The following SLC9A9 variants were observed in gnomAD, a reference collection of about 807,000 sequenced individuals.
SLC9A9 encodes sodium/hydrogen exchanger 9.
In SLC9A9, 62 loss-of-function variants were observed where a neutral mutation model predicts 77.8. The observed-to-expected ratio is 0.80, with a 90% confidence interval of 0.65 to 0.98. SLC9A9 has a LOEUF of 0.98. SLC9A9 is among the 50% of genes least tolerant of loss of function. The pLI, the probability that SLC9A9 is intolerant of heterozygous loss-of-function variation, is 0.00. For synonymous variants in SLC9A9, 320 were observed against 283.5 expected (o/e 1.13, Z -1.29); for missense variants, 775 against 774.9 (o/e 1.00, Z 0.00).
At chr3:143,291,753 G>A (rs1319499090) in intron 14 of SLC9A9, among the ~76,000 whole-genome samples, 2 of 152,170 alleles carry the variant, frequency 1.3e-5, no homozygotes, top group Non-Finnish European at 2.9e-5. Flanking sequence ...TCTGTCTGAG[G>A]TGCCATTCCT....
At chr3:143,356,388 G>T (rs1231410203) in intron 14 of SLC9A9, among the ~76,000 whole-genome samples, 1 of 152,170 alleles carries the variant, frequency 6.6e-6, no homozygotes, top group Non-Finnish European at 1.5e-5. Flanking sequence ...TGTGGAAGAA[G>T]AAATTATGGA....
intron 13 of SLC9A9, among the ~76,000 whole-genome samples, chr3:143,375,795 A>G (rs1321969874): frequency 2.0e-5 from 3 of 152,190 alleles, no homozygotes; most frequent in Non-Finnish European, 2.9e-5. Context: ...GTTATGCAGC[A>G]TTGTGTGGCA....
chr3:143,404,002 T>G (rs994260146), intron 12 of SLC9A9, among the ~76,000 whole-genome samples: 13 of 152,104 alleles, frequency 8.5e-5, no homozygotes, highest in African/African-American at 3.1e-4. Context: ...ATCCGCTCAT[T>G]TTTTCTTCTT....
intron 6 of SLC9A9, among the ~76,000 whole-genome samples, chr3:143,648,323 G>A (rs369259417): frequency 6.4e-4 from 97 of 152,278 alleles, no homozygotes; most frequent in African/African-American, 2.3e-3. Flanking sequence ...ATTGGGGGAG[G>A]GGATGGCTTC....
chr3:143,842,387 GCAAA>G (rs1030894995), intron 1 of SLC9A9, among the ~76,000 whole-genome samples: 4 of 151,984 alleles, frequency 2.6e-5, no homozygotes, highest in Non-Finnish European at 4.4e-5. Context: ...TCTCAAAAAA[GCAAA>G]CAAACAAACA....
At chr3:143,502,326 G>C (rs1476603339) in intron 9 of SLC9A9, among the ~76,000 whole-genome samples, 1 of 143,104 alleles carries the variant, frequency 7.0e-6, no homozygotes, top group African/African-American at 3.0e-5. Flanking sequence ...AACTGCGTAA[G>C]AGGACAATCT....
chr3:143,416,388 G>A (rs1307093430), intron 12 of SLC9A9, among the ~76,000 whole-genome samples: 7 of 152,116 alleles, frequency 4.6e-5, no homozygotes, highest in Non-Finnish European at 8.8e-5. Flanking sequence ...GTCAATTGAT[G>A]TGGCAAACCT....
chr3:143,385,351 T>G (rs1419409782), intron 12 of SLC9A9, among the ~76,000 whole-genome samples: 2 of 152,188 alleles, frequency 1.3e-5, no homozygotes, highest in Middle Eastern at 3.2e-3. Flanking sequence ...CACACAATTG[T>G]TCTCATAATA....
intron 6 of SLC9A9, among the ~76,000 whole-genome samples, chr3:143,587,857 ATAAAG>A (rs1394137422): frequency 6.6e-6 from 1 of 152,238 alleles, no homozygotes; most frequent in African/African-American, 2.4e-5. Flanking sequence ...ACCACAGGAA[ATAAAG>A]TAGAGTAGTG....
chr3:143,271,938 T>A (rs1189170434), intron 14 of SLC9A9, among the ~76,000 whole-genome samples: 1 of 152,048 alleles, frequency 6.6e-6, no homozygotes, highest in East Asian at 1.9e-4. Context: ...GCACAATGGA[T>A]GTTTGGATTT....
chr3:143,584,710 G>A (rs1196484504), intron 6 of SLC9A9, among the ~76,000 whole-genome samples: 1 of 152,180 alleles, frequency 6.6e-6, no homozygotes, highest in African/African-American at 2.4e-5. Flanking sequence ...GCTTCCAGCT[G>A]TACTATATCA....
chr3:143,553,977 T>G (rs1398076274), intron 8 of SLC9A9, among the ~76,000 whole-genome samples: 1 of 152,210 alleles, frequency 6.6e-6, no homozygotes, highest in Non-Finnish European at 1.5e-5. Flanking sequence ...TGTATACTGT[T>G]TTGGCATAAA....
chr3:143,462,627 T>C (rs2035213654), intron 12 of SLC9A9, among the ~76,000 whole-genome samples: 1 of 152,160 alleles, frequency 6.6e-6, no homozygotes, highest in African/African-American at 2.4e-5. Context: ...TCTCATTTTA[T>C]TTACCCGTAA....
At chr3:143,297,877 T>C (rs1386421426) in intron 14 of SLC9A9, among the ~76,000 whole-genome samples, 1 of 152,204 alleles carries the variant, frequency 6.6e-6, no homozygotes. Flanking sequence ...ATGATTGTGA[T>C]GTATGTGCCT....
At chr3:143,517,701 T>C in intron 9 of SLC9A9, 1 of 1,597,638 alleles carries the variant, frequency 6.3e-7, no homozygotes, top group African/African-American at 1.3e-5. Flanking sequence ...TCAGGATTTA[T>C]TTCAATGGCT....
Position 143,280,592 on chromosome 3 carries a change from C to T in SLC9A9, c.1605-11612G>A, listed in dbSNP as rs113369291. ...AGGTGGAGTTTCACTTGATTTTGCCCAGGCTGGCGAGTGCAGTGGTGCCAT... is the reference window on the plus strand; with the variant it reads ...AGGTGGAGTTTCACTTGATTTTGCCTAGGCTGGCGAGTGCAGTGGTGCCAT... On this transcript the variant is annotated intron_variant, in intron 14 of 15. Transcript: ENST00000316549. Among the ~76,000 whole-genome samples the T allele has an allele frequency of 1.4e-4, 20 of 147,802 alleles. 1 individual carries two copies. The highest frequency in any genetic ancestry group is 3.3e-4 in the African/African-American group (13 of 39,604).
intron 9 of SLC9A9, among the ~76,000 whole-genome samples, chr3:143,524,512 C>T (rs547017607): frequency 6.6e-4 from 101 of 152,202 alleles, no homozygotes; most frequent in African/African-American, 2.1e-3. Flanking sequence ...AGGTCAATGG[C>T]CATTTTGAAA....
intron 12 of SLC9A9, among the ~76,000 whole-genome samples, chr3:143,410,669 A>C (rs544743207): frequency 6.6e-6 from 1 of 152,288 alleles, no homozygotes; most frequent in South Asian, 2.1e-4. Flanking sequence ...CTTCTTTTGC[A>C]CTTTACTATT....
intron 2 of SLC9A9, among the ~76,000 whole-genome samples, chr3:143,804,886 G>C (rs970307675): frequency 6.6e-6 from 1 of 152,090 alleles, no homozygotes; most frequent in Non-Finnish European, 1.5e-5. Context: ...AACTTTATCA[G>C]TCCTCCAGGC....
Sources: allele counts gnomAD v4.1 joint callset (sites outside exome capture counted in the v4.1 genomes callset), GRCh38; gene constraint gnomAD v4.1.1; transcripts MANE v1.5; gene names NCBI Gene and HGNC (gene_info 2026-07-23, HGNC 2026-07-21).